IL6ST: variants seen among roughly 807,000 people sequenced by gnomAD.
The protein encoded by IL6ST is interleukin 6 cytokine family signal transducer.
A neutral mutation model predicts 91.3 loss-of-function variants in IL6ST; 24 were observed. The observed-to-expected ratio is 0.26, with a 90% CI of 0.19 to 0.37. The LOEUF (loss-of-function observed/expected upper bound fraction) is 0.37, where lower values mean the gene tolerates loss of function less well. IL6ST is among the 10% of genes least tolerant of loss of function. The pLI, the probability that IL6ST is intolerant of heterozygous loss-of-function variation, is 1.00. For synonymous variants in IL6ST, 351 were observed against 373.6 expected (o/e 0.94, Z 0.70); for missense variants, 914 against 1,078.5 (o/e 0.85, Z 2.14).
intron 1 of IL6ST, among the ~76,000 whole-genome samples, chr5:55,989,188 G>A (rs1754172884): frequency 7.1e-6 from 1 of 140,472 alleles, no homozygotes; most frequent in African/African-American, 2.7e-5. Context: ...TAAAGGTAAA[G>A]TAAACATAGC....
intron 14 of IL6ST, chr5:55,950,349 C>G: frequency 3.0e-6 from 1 of 335,716 alleles, no homozygotes; most frequent in Middle Eastern, 1.0e-3. Flanking sequence ...CCATCCCAGC[C>G]AACATGGTGA....
rs1750500480 is a variant in IL6ST, at chr5:55,935,960, A to C, written c.*5122T>G. ...CAGGCTTGAGCCTATACAAGCCATA[A>C]CCAAATAGAAGATTTTAAACAAAGG... On this transcript the variant is annotated 3_prime_UTR_variant, in exon 17 of 17. Transcript: ENST00000381298. 4.5e-6 allele frequency: 1 copy of C among 221,236 alleles called. No individual in the cohort carries two copies. The highest frequency in any genetic ancestry group is 5.8e-5 in the Admixed American group (1 of 17,360). 13.7% of individuals were successfully genotyped at this position (221,236 alleles called of 1,614,324 possible). A position where few individuals can be genotyped will look rare whatever the true frequency, so the allele number is the denominator to read the frequency against.
chr5:55,957,518 T>C (rs996153123), intron 8 of IL6ST, among the ~76,000 whole-genome samples: 4 of 152,108 alleles, frequency 2.6e-5, no homozygotes, highest in Non-Finnish European at 4.4e-5. Context: ...AACCTCAAAA[T>C]TGTAAAGGTA....
rs528316538 is a variant in IL6ST at position 55,938,760 on chromosome 5, A to G, written c.*2322T>C. The G allele has an allele frequency of 4.5e-5, 9 of 201,292 alleles. No homozygotes were observed. Among genetic ancestry groups the G allele is most frequent in the South Asian group, 1.9e-4 (1 of 5,248 alleles). 12.5% of individuals were successfully genotyped at this position (201,292 alleles called of 1,614,324 possible). Reference sequence around the variant, plus strand: ...AGTAATTTTGAATGTAAAAAGTTTTATAATTTATTTTCTCCTTAGGGCAGG... The same window carrying G: ...AGTAATTTTGAATGTAAAAAGTTTTGTAATTTATTTTCTCCTTAGGGCAGG... On this transcript the variant is annotated 3_prime_UTR_variant, in exon 17 of 17. Transcript: ENST00000381298.
At chr5:55,976,593 T>G (rs1042147079) in intron 2 of IL6ST, among the ~76,000 whole-genome samples, 3 of 152,190 alleles carry the variant, frequency 2.0e-5, no homozygotes, top group Non-Finnish European at 4.4e-5. Flanking sequence ...AACTTCAGAC[T>G]GACAAATTTC....
Position 55,939,482 on chromosome 5 carries a change from A to AT in IL6ST, c.*1599dup, listed in dbSNP as rs1750746242. On this transcript the variant is annotated 3_prime_UTR_variant, in exon 17 of 17. Transcript: ENST00000381298. Reference sequence around the variant, plus strand: ...TATTCTGAGAGTAAAAAGTGTAATTATATTTCCATTGTAAATGTATACCAA... The same window carrying AT: ...TATTCTGAGAGTAAAAAGTGTAATTATTATTTCCATTGTAAATGTATACCAA... 1 of 205,016 alleles carries AT rather than the reference A, an allele frequency of 4.9e-6. No individual in the cohort carries two copies. The highest frequency in any genetic ancestry group is 2.3e-5 in the African/African-American group (1 of 43,818). 12.7% of individuals were successfully genotyped at this position (205,016 alleles called of 1,614,324 possible).
intron 11 of IL6ST, among the ~76,000 whole-genome samples, chr5:55,953,976 G>A (rs768129957): frequency 4.6e-5 from 7 of 152,146 alleles, no homozygotes; most frequent in Non-Finnish European, 7.3e-5. Flanking sequence ...AACAGAGTGA[G>A]ACCCTGTATT....
chr5:55,961,827 T>C (rs1752336299), intron 7 of IL6ST, among the ~76,000 whole-genome samples: 1 of 151,960 alleles, frequency 6.6e-6, no homozygotes, highest in Admixed American at 6.6e-5. Flanking sequence ...ATTTCACTTT[T>C]CTTCTGTCTT....
intron 11 of IL6ST, 120 bp from the exon 12 acceptor site, chr5:55,952,471 T>G (rs1204492394): frequency 1.8e-5 from 10 of 565,796 alleles, no homozygotes; most frequent in Non-Finnish European, 2.8e-5. Flanking sequence ...AACTGCAGTT[T>G]TCTAAGTAAG....
At chr5:55,958,731 T>G (rs918780869) in intron 8 of IL6ST, among the ~76,000 whole-genome samples, 1 of 151,800 alleles carries the variant, frequency 6.6e-6, no homozygotes, top group Non-Finnish European at 1.5e-5. Flanking sequence ...CCCAGCTATG[T>G]TGGGGGCTGA....
At chr5:55,968,932 G>A (rs904877485) in intron 4 of IL6ST, among the ~76,000 whole-genome samples, 2 of 152,152 alleles carry the variant, frequency 1.3e-5, no homozygotes, top group African/African-American at 2.4e-5. Flanking sequence ...AGTGGCTCAC[G>A]CCTGTAATCC....
chr5:55,950,926 C>T (rs983434270), intron 14 of IL6ST, among the ~76,000 whole-genome samples: 1 of 150,970 alleles, frequency 6.6e-6, no homozygotes, highest in Non-Finnish European at 1.5e-5. Context: ...TCCACTGTAG[C>T]CTGGGCAACA....
At chr5:55,946,510 T>A (rs748592165) in intron 15 of IL6ST, among the ~76,000 whole-genome samples, 5 of 152,126 alleles carry the variant, frequency 3.3e-5, no homozygotes, top group African/African-American at 7.2e-5. Flanking sequence ...AGAATACTGT[T>A]CAGCAATAAA....
intron 1 of IL6ST, among the ~76,000 whole-genome samples, chr5:55,994,514 G>A (rs1357173359): frequency 6.6e-6 from 1 of 152,154 alleles, no homozygotes; most frequent in Non-Finnish European, 1.5e-5. Flanking sequence ...AGGGCGTTCT[G>A]CGGGGCGGGC....
Position 55,959,305 on chromosome 5 carries a change from TC to T in IL6ST, c.973+1096del, listed in dbSNP as rs569380624. On this transcript the variant is annotated intron_variant, in intron 8 of 16. Transcript: ENST00000381298. ...TCTTTCTCAGCATTTATGAGAGAAA[TC>T]TTAGGGCAGAAGGGTACTTTTCTGC... 4.6e-3 allele frequency among the ~76,000 whole-genome samples: 701 copies of T among 152,296 alleles called. 2 individuals carry two copies. The highest frequency in any genetic ancestry group is 0.01 in the Middle Eastern group (3 of 294).
chr5:55,986,190 A>G (rs1753959317), intron 1 of IL6ST, among the ~76,000 whole-genome samples: 1 of 152,218 alleles, frequency 6.6e-6, no homozygotes, highest in Non-Finnish European at 1.5e-5. Flanking sequence ...TACTACTTCT[A>G]TCATTGTTCA....
At chr5:55,968,436 T>A in intron 4 of IL6ST, 40 bp from the exon 5 acceptor site, 1 of 1,586,358 alleles carries the variant, frequency 6.3e-7, no homozygotes. Flanking sequence ...AAGCTTTATA[T>A]CCACAAATAT....
At chr5:55,967,761 T>C (rs2111798840) in intron 5 of IL6ST, among the ~76,000 whole-genome samples, 1 of 152,246 alleles carries the variant, frequency 6.6e-6, no homozygotes, top group South Asian at 2.1e-4. Flanking sequence ...GATGGGTATG[T>C]ATGGGTATTC....
At chr5:55,980,945 G>T (rs1167579354) in intron 2 of IL6ST, among the ~76,000 whole-genome samples, 1 of 152,140 alleles carries the variant, frequency 6.6e-6, no homozygotes, top group Non-Finnish European at 1.5e-5. Flanking sequence ...GCACAGGCAG[G>T]TCCCAAACTC....
Sources: gnomAD v4.1 joint callset for allele counts (sites outside exome capture counted in the v4.1 genomes callset) on GRCh38, gnomAD v4.1.1 for gene constraint, MANE v1.5 for transcripts, NCBI Gene and HGNC (gene_info 2026-07-23, HGNC 2026-07-21) for gene names.